Variants in FBXW7 observed in about 807,000 individuals in gnomAD.
FBXW7 encodes F-box/WD repeat-containing protein 7.
Under a neutral mutation model 86.3 loss-of-function variants are expected in FBXW7, and 11 were observed. The ratio of observed to expected loss-of-function variants is 0.13; its 90% CI spans 0.08 to 0.21. FBXW7 has a LOEUF of 0.21. Among genes scored for constraint, FBXW7 ranks in the 10% least tolerant of loss-of-function variants. The pLI, the probability that FBXW7 is intolerant of heterozygous loss-of-function variation, is 1.00. For missense variants in FBXW7, 488 were observed against 847.4 expected (o/e 0.58, Z 5.27); for synonymous variants, 313 against 297.9 (o/e 1.05, Z -0.52).
chr4:152,486,642 T>C (rs936600269), intron 2 of FBXW7, among the ~76,000 whole-genome samples: 2 of 151,894 alleles, frequency 1.3e-5, no homozygotes, highest in South Asian at 2.1e-4. Flanking sequence ...TCTCCTATAA[T>C]AACAATGTCT....
rs566018747 is a variant in FBXW7, at chr4:152,322,651, C to G, written c.*230G>C. 1 of 616,326 alleles carries G rather than the reference C, an allele frequency of 1.6e-6. No homozygotes were observed. Among genetic ancestry groups the G allele is most frequent in the South Asian group, 3.1e-5 (1 of 31,946 alleles). 38.2% of individuals were successfully genotyped at this position (616,326 alleles called of 1,614,324 possible). On this transcript the variant is annotated 3_prime_UTR_variant, in exon 14 of 14. Transcript: ENST00000281708. ...AAGCTGCCCTCAGTCAAAAGTGAAG[C>G]CTTTTATGTGATGAGACAGCAGACG...
At chr4:152,403,215 T>C (rs1297333582) in intron 4 of FBXW7, among the ~76,000 whole-genome samples, 2 of 152,178 alleles carry the variant, frequency 1.3e-5, no homozygotes, top group Non-Finnish European at 2.9e-5. Context: ...CGATGGCTCA[T>C]GCCTGTAATC....
intron 7 of FBXW7, among the ~76,000 whole-genome samples, chr4:152,337,183 G>A (rs1193192097): frequency 1.3e-5 from 2 of 151,870 alleles, no homozygotes; most frequent in African/African-American, 4.8e-5. Flanking sequence ...AAAAGAAATA[G>A]GCACAAATAA....
chr4:152,381,457 C>A (rs796343725), intron 4 of FBXW7, among the ~76,000 whole-genome samples: 21 of 152,102 alleles, frequency 1.4e-4, no homozygotes, highest in African/African-American at 4.8e-4. Flanking sequence ...TATGTTAGAT[C>A]TAAAAATATA....
intron 2 of FBXW7, among the ~76,000 whole-genome samples, chr4:152,424,048 T>C (rs956896966): frequency 1.3e-5 from 2 of 152,160 alleles, no homozygotes; most frequent in Admixed American, 6.5e-5. Context: ...TTTTTCCATT[T>C]TTTGCAGAGA....
At chr4:152,413,769 A>G (rs1405056961) in intron 2 of FBXW7, among the ~76,000 whole-genome samples, 9 of 152,170 alleles carry the variant, frequency 5.9e-5, no homozygotes, top group Admixed American at 5.9e-4. Context: ...GTCTCTTTCA[A>G]GTTAACCAAT....
intron 2 of FBXW7, among the ~76,000 whole-genome samples, chr4:152,438,958 C>G (rs967746177): frequency 1.3e-5 from 2 of 152,206 alleles, no homozygotes; most frequent in African/African-American, 4.8e-5. Flanking sequence ...ATTCATTCAT[C>G]ATTTGGGCGA....
At chr4:152,449,479 G>A (rs1042247305) in intron 2 of FBXW7, among the ~76,000 whole-genome samples, 3 of 152,222 alleles carry the variant, frequency 2.0e-5, no homozygotes, top group East Asian at 3.9e-4. Flanking sequence ...TACTGGTGCA[G>A]ATAATGATGT....
At chr4:152,410,915 G>C (rs917427883) in intron 4 of FBXW7, among the ~76,000 whole-genome samples, 1 of 152,056 alleles carries the variant, frequency 6.6e-6, no homozygotes, top group Non-Finnish European at 1.5e-5. Flanking sequence ...CTTGTGAATA[G>C]CCCACTCTAG....
At chr4:152,522,941 C>A (rs1749157852) in intron 2 of FBXW7, among the ~76,000 whole-genome samples, 1 of 152,152 alleles carries the variant, frequency 6.6e-6, no homozygotes, top group Admixed American at 6.5e-5. Flanking sequence ...TTGAGCTCTA[C>A]CACTAATGAC....
intron 2 of FBXW7, among the ~76,000 whole-genome samples, chr4:152,515,270 A>C (rs1008882331): frequency 6.6e-6 from 1 of 152,206 alleles, no homozygotes; most frequent in East Asian, 1.9e-4. Context: ...TTAAAATACT[A>C]AAAAATGCAA....
intron 2 of FBXW7, among the ~76,000 whole-genome samples, chr4:152,437,223 C>A (rs539648999): frequency 9.5e-4 from 145 of 152,188 alleles, no homozygotes; most frequent in African/African-American, 3.4e-3. Flanking sequence ...TTCCAACCCT[C>A]GTGGATGACT....
chr4:152,374,959 A>T (rs1734359349), intron 4 of FBXW7, among the ~76,000 whole-genome samples: 1 of 152,060 alleles, frequency 6.6e-6, no homozygotes, highest in South Asian at 2.1e-4. Flanking sequence ...ATATATTTTT[A>T]CTTGGCTAAG....
chr4:152,487,996 C>A (rs1745497124), intron 2 of FBXW7, among the ~76,000 whole-genome samples: 2 of 151,828 alleles, frequency 1.3e-5, no homozygotes, highest in South Asian at 4.1e-4. Flanking sequence ...TCCATTTAAA[C>A]AAATAAAAAA....
chr4:152,364,704 C>G (rs942514977), intron 4 of FBXW7, among the ~76,000 whole-genome samples: 2 of 151,982 alleles, frequency 1.3e-5, no homozygotes, highest in African/African-American at 4.8e-5. Flanking sequence ...TACATAAGGC[C>G]TTTTTTAAAG....
chr4:152,518,019 C>T (rs1401502273), intron 2 of FBXW7, among the ~76,000 whole-genome samples: 2 of 152,150 alleles, frequency 1.3e-5, no homozygotes, highest in Admixed American at 6.5e-5. Context: ...GACAAAGTCT[C>T]GCTGTGTCGC....
At chr4:152,375,570 G>A (rs549328474) in intron 4 of FBXW7, among the ~76,000 whole-genome samples, 215 of 152,046 alleles carry the variant, frequency 1.4e-3, no homozygotes, top group Admixed American at 2.6e-3. Context: ...TTAATCAATT[G>A]ATATATTTTC....
At chr4:152,482,245 C>A (rs575809467) in intron 2 of FBXW7, among the ~76,000 whole-genome samples, 1 of 152,114 alleles carries the variant, frequency 6.6e-6, no homozygotes, top group African/African-American at 2.4e-5. Flanking sequence ...CAATTTTTAG[C>A]AATAAAGTAT....
At chr4:152,359,246 G>C (rs1475792180) in intron 4 of FBXW7, among the ~76,000 whole-genome samples, 3 of 151,986 alleles carry the variant, frequency 2.0e-5, no homozygotes, top group Non-Finnish European at 4.4e-5. Flanking sequence ...ATGCTACCAA[G>C]GGCAAACAAA....
Sources: gnomAD v4.1 joint callset for allele counts (sites outside exome capture counted in the v4.1 genomes callset) on GRCh38, gnomAD v4.1.1 for gene constraint, MANE v1.5 for transcripts, NCBI Gene and HGNC (gene_info 2026-07-23, HGNC 2026-07-21) for gene names.